Variants in LAPTM4B observed in about 807,000 individuals in gnomAD.
The protein encoded by LAPTM4B is lysosomal protein transmembrane 4 beta.
LAPTM4B carries 26 observed loss-of-function variants against 28.5 expected under a neutral mutation model. The observed-to-expected ratio is 0.91, with a 90% CI of 0.67 to 1.27. The LOEUF is 1.27. Among genes scored for constraint, LAPTM4B ranks in the 50% most tolerant of loss-of-function variants. LAPTM4B has a pLI of 0.00. For missense variants in LAPTM4B, 288 were observed against 285.8 expected (o/e 1.01, Z -0.06); for synonymous variants, 109 against 106.4 (o/e 1.02, Z -0.15).
chr8:97,787,020 C>G (rs1286812615), intron 1 of LAPTM4B, among the ~76,000 whole-genome samples: 2 of 152,026 alleles, frequency 1.3e-5, no homozygotes, highest in African/African-American at 4.8e-5. Context: ...GGGTGTAGCT[C>G]CACCATCCCA....
chr8:97,815,488 TC>T, intron 3 of LAPTM4B, 87 bp downstream of exon 3: 1 of 927,814 alleles, frequency 1.1e-6, no homozygotes, highest in Non-Finnish European at 1.7e-6. Flanking sequence ...GAAGTGACTT[TC>T]CAGTTTTCTG....
intron 1 of LAPTM4B, among the ~76,000 whole-genome samples, chr8:97,787,635 T>C (rs1816424931): frequency 6.6e-6 from 1 of 152,186 alleles, no homozygotes; most frequent in Admixed American, 6.6e-5. Flanking sequence ...GTTAATAATA[T>C]CTTTGTCTTT....
chr8:97,813,510 C>A (rs1347146954), intron 2 of LAPTM4B, among the ~76,000 whole-genome samples: 1 of 152,270 alleles, frequency 6.6e-6, no homozygotes, highest in African/African-American at 2.4e-5. Context: ...AACGCCCTCA[C>A]AGGCACACCC....
At chr8:97,845,814 CTT>C (rs75780442) in intron 6 of LAPTM4B, among the ~76,000 whole-genome samples, 23,470 of 145,170 alleles carry the variant, frequency 0.16, 2,113 homozygotes, top group East Asian at 0.21. Context: ...ATCAGCATAT[CTT>C]TTTTTTTCTT....
chr8:97,790,336 A>G (rs1204511191), intron 1 of LAPTM4B, among the ~76,000 whole-genome samples: 6 of 149,942 alleles, frequency 4.0e-5, no homozygotes, highest in Admixed American at 2.7e-4. Flanking sequence ...TTTTTTAGAC[A>G]GAGTCTCACT....
chr8:97,814,626 T>G lies in LAPTM4B; in HGVS notation c.212-702T>G, dbSNP rs147198942. On this transcript the variant is annotated intron_variant, in intron 2 of 6. Transcript: ENST00000521545. The stretch of plus-strand genomic sequence containing the variant: ...AGAGTGGGACAAGGTGAGGCGAGAT[T>G]AGAGAGGTAGACTGCTCTGGAATAA... 7.4e-3 allele frequency among the ~76,000 whole-genome samples: 1,134 copies of G among 152,306 alleles called. 12 individuals are homozygous for G. The highest frequency in any genetic ancestry group is 0.021 in the South Asian group (101 of 4,818).
intron 6 of LAPTM4B, among the ~76,000 whole-genome samples, chr8:97,828,701 C>G (rs1328314775): frequency 6.6e-6 from 1 of 152,084 alleles, no homozygotes; most frequent in East Asian, 1.9e-4. Context: ...AGGACAACTG[C>G]GGCTAAGGAA....
At chr8:97,823,488 C>T (rs1350910347) in intron 5 of LAPTM4B, among the ~76,000 whole-genome samples, 1 of 151,716 alleles carries the variant, frequency 6.6e-6, no homozygotes, top group Non-Finnish European at 1.5e-5. Flanking sequence ...GATTCTCCTG[C>T]CTCAGCCTCC....
At chr8:97,811,791 C>T (rs537767724) in intron 2 of LAPTM4B, among the ~76,000 whole-genome samples, 1 of 152,144 alleles carries the variant, frequency 6.6e-6, no homozygotes, top group Admixed American at 6.6e-5. Flanking sequence ...CATCCTGGCC[C>T]TTTATTTTCT....
intron 6 of LAPTM4B, among the ~76,000 whole-genome samples, chr8:97,834,986 A>G (rs186180940): frequency 1.3e-5 from 2 of 152,352 alleles, no homozygotes; most frequent in African/African-American, 4.8e-5. Context: ...ACCATTATCA[A>G]TTAAGAAAAC....
At chr8:97,779,389 G>T (rs1169542793) in intron 1 of LAPTM4B, among the ~76,000 whole-genome samples, 3 of 152,122 alleles carry the variant, frequency 2.0e-5, no homozygotes, top group Non-Finnish European at 4.4e-5. Context: ...GGAGACTGAG[G>T]CAGGAGAATT....
At chr8:97,816,000 G>T in intron 3 of LAPTM4B, 58 bp from the exon 4 acceptor site, 2 of 1,445,638 alleles carry the variant, frequency 1.4e-6, no homozygotes, top group Non-Finnish European at 1.9e-6. Flanking sequence ...TTGAATTTAA[G>T]AAAAATATTG....
At chr8:97,783,072 CTT>C (rs10605324) in intron 1 of LAPTM4B, among the ~76,000 whole-genome samples, 29,139 of 127,572 alleles carry the variant, frequency 0.23, 3,767 homozygotes, top group African/African-American at 0.38. Flanking sequence ...CGCGCCCGGC[CTT>C]TTTTTTTTTT....
At chr8:97,834,604 C>T (rs1327014534) in intron 6 of LAPTM4B, among the ~76,000 whole-genome samples, 1 of 151,982 alleles carries the variant, frequency 6.6e-6, no homozygotes, top group African/African-American at 2.4e-5. Flanking sequence ...GGGTCTCACT[C>T]TTTTACCCTG....
intron 1 of LAPTM4B, among the ~76,000 whole-genome samples, chr8:97,794,565 AT>A (rs767926781): frequency 1.3e-5 from 2 of 151,416 alleles, no homozygotes; most frequent in Non-Finnish European, 3.0e-5. Flanking sequence ...ATTTATTTGA[AT>A]TGAAATAACA....
chr8:97,850,605 G>A (rs935140020), intron 6 of LAPTM4B, among the ~76,000 whole-genome samples: 1 of 150,700 alleles, frequency 6.6e-6, no homozygotes, highest in Non-Finnish European at 1.5e-5. Context: ...TTAAGCATAA[G>A]TGATATCCCT....
intron 1 of LAPTM4B, among the ~76,000 whole-genome samples, chr8:97,800,067 T>G (rs1225123745): frequency 6.6e-6 from 1 of 152,240 alleles, no homozygotes; most frequent in East Asian, 1.9e-4. Flanking sequence ...GTCACATTCA[T>G]TGCTTTATGC....
In LAPTM4B at chr8:97,783,195, A is replaced by T. The variant is rs1401623391; in HGVS notation, c.99+7087A>T. Among the ~76,000 whole-genome samples, 5 of 151,358 alleles carry T rather than the reference A, an allele frequency of 3.3e-5. 1 individual carries two copies. In the South Asian group the frequency reaches 1.0e-3, roughly 32 times the overall value. ...CACAGGGTAGTTAGCCATATATCAG[A>T]TTATAAAGGATAAAAGAGGTCAGAG... On this transcript the variant is annotated intron_variant, in intron 1 of 6. Transcript: ENST00000521545.
chr8:97,832,651 T>C (rs2129827340), intron 6 of LAPTM4B, among the ~76,000 whole-genome samples: 1 of 150,406 alleles, frequency 6.6e-6, no homozygotes, highest in East Asian at 1.9e-4. Flanking sequence ...GTCTCAGCTT[T>C]CTGACGATAT....
Sources: gnomAD v4.1 joint callset for allele counts (sites outside exome capture counted in the v4.1 genomes callset) on GRCh38, gnomAD v4.1.1 for gene constraint, MANE v1.5 for transcripts, NCBI Gene and HGNC (gene_info 2026-07-23, HGNC 2026-07-21) for gene names.